The following KIAA0753 variants were observed in gnomAD, a reference collection of about 807,000 sequenced individuals.
The protein encoded by KIAA0753 is KIAA0753.
A neutral mutation model predicts 116.9 loss-of-function variants in KIAA0753; 114 were observed. The observed-to-expected ratio is 0.98, with a 90% CI of 0.84 to 1.14. The LOEUF (loss-of-function observed/expected upper bound fraction) is 1.14, where lower values mean the gene tolerates loss of function less well. Ranked by LOEUF, KIAA0753 falls within the 50% of genes most tolerant of loss-of-function variation. KIAA0753 has a pLI of 0.00. For synonymous variants in KIAA0753, 405 were observed against 413.1 expected (o/e 0.98, Z 0.24); for missense variants, 1,156 against 1,172.4 (o/e 0.99, Z 0.20).
chr17:6,587,348 C>A (rs1968654692), intron 18 of KIAA0753, among the ~76,000 whole-genome samples: 1 of 152,160 alleles, frequency 6.6e-6, no homozygotes, highest in East Asian at 1.9e-4. Flanking sequence ...TTGTAAAAAT[C>A]CAGGCATATT....
At chr17:6,626,991 A>C (rs9916604) in intron 3 of KIAA0753, among the ~76,000 whole-genome samples, 46,455 of 152,126 alleles carry the variant, frequency 0.31, 7,981 homozygotes, top group Admixed American at 0.39. Flanking sequence ...AAGAGAAACA[A>C]GCCACAACAT....
Position 6,618,135 on chromosome 17 carries a change from A to G in KIAA0753, c.1315+2653T>C, listed in dbSNP as rs112110498. Reference sequence around the variant, plus strand: ...GAAAAAAAGAAAAAAAAAATCCCACAACTACAGGGTTTGGGGAGCTCCCAG... The same window carrying G: ...GAAAAAAAGAAAAAAAAAATCCCACGACTACAGGGTTTGGGGAGCTCCCAG... On this transcript the variant is annotated intron_variant, in intron 7 of 18. Transcript: ENST00000361413. Among the ~76,000 whole-genome samples, 289 of 152,050 alleles carry G rather than the reference A, an allele frequency of 1.9e-3. 3 individuals carry two copies. The highest frequency in any genetic ancestry group is 6.2e-3 in the African/African-American group (257 of 41,492).
intron 18 of KIAA0753, among the ~76,000 whole-genome samples, chr17:6,585,083 T>C (rs973207161): frequency 6.6e-5 from 10 of 152,206 alleles, no homozygotes; most frequent in African/African-American, 1.9e-4. Context: ...TGAGCCACCA[T>C]ACCCGGGCCC....
At chr17:6,594,871 G>T in intron 16 of KIAA0753, 101 bp downstream of exon 16, 1 of 797,290 alleles carries the variant, frequency 1.3e-6, no homozygotes, top group South Asian at 1.5e-5. Context: ...GAATCTAGAA[G>T]GTGAGTATAG....
intron 16 of KIAA0753, among the ~76,000 whole-genome samples, chr17:6,593,434 G>A (rs1030599556): frequency 2.1e-4 from 31 of 146,222 alleles, no homozygotes; most frequent in African/African-American, 4.9e-4. Context: ...TCGGGAGGCC[G>A]GGCGCAATGG....
At position 6,620,794 on chromosome 17, in the gene KIAA0753, G is replaced by A. The variant is rs1353275633; in HGVS notation, c.1309C>T (p.Leu437Phe). 2 of 1,613,954 alleles carry A rather than the reference G, an allele frequency of 1.2e-6. No homozygotes were observed. Among genetic ancestry groups the A allele is most frequent in the South Asian group, 2.2e-5 (2 of 91,086 alleles). ...AACACTTTAAGACACATACCGGCAA[G>A]AAGCTGCTTTGCTACAGAAGGTCGA... Reference protein sequence around the residue: ...TSRPSVAKQLLADKYQPDTEL... With the variant: ...TSRPSVAKQLFADKYQPDTEL... The change falls in exon 7 of 19, where the codon CTT becomes TTT. Residue 437 changes from leucine to phenylalanine, a missense_variant. Transcript: ENST00000361413.
intron 2 of KIAA0753, among the ~76,000 whole-genome samples, chr17:6,630,677 C>A (rs1382788223): frequency 6.6e-6 from 1 of 152,108 alleles, no homozygotes. Flanking sequence ...CAATCTGAGT[C>A]CCCATGAAGG....
At chr17:6,611,867 TGACAATGTCA>T in intron 8 of KIAA0753, 42 bp downstream of exon 8, 6 of 1,501,864 alleles carry the variant, frequency 4.0e-6, no homozygotes, top group Non-Finnish European at 5.5e-6. Flanking sequence ...TATGTGACCT[TGACAATGTCA>T]GATTAACACA....
At chr17:6,591,047 GAAGAAGAAGAAGAAGAA>G (rs200050747) in intron 16 of KIAA0753, among the ~76,000 whole-genome samples, 2,475 of 99,300 alleles carry the variant, frequency 0.025, 130 homozygotes, top group African/African-American at 0.059. Flanking sequence ...GAAGGAAGAA[GAAGAAGAAGAAGAAGAA>G]GAAGAAGAAG....
Position 6,614,652 on chromosome 17 carries a change from G to A in KIAA0753, c.1316-2504C>T, listed in dbSNP as rs537221637. Among the ~76,000 whole-genome samples, 54 of 152,274 alleles carry A rather than the reference G, an allele frequency of 3.5e-4. 2 individuals carry two copies. Among genetic ancestry groups the A allele is most frequent in the African/African-American group, 1.3e-3 (52 of 41,562 alleles). On this transcript the variant is annotated intron_variant, in intron 7 of 18. Transcript: ENST00000361413. ...ATGACAATAGTAACTTCTAGTGAGG[G>A]AGAAAAGAGAATGGAATGAGGAGAA...
At chr17:6,616,192 G>C (rs1244216931) in intron 7 of KIAA0753, among the ~76,000 whole-genome samples, 3 of 152,204 alleles carry the variant, frequency 2.0e-5, no homozygotes, top group African/African-American at 7.2e-5. Flanking sequence ...GAGTGGCAGA[G>C]CCAAGTCTTC....
At chr17:6,613,024 G>C (rs1204578470) in intron 7 of KIAA0753, among the ~76,000 whole-genome samples, 1 of 152,082 alleles carries the variant, frequency 6.6e-6, no homozygotes, top group Non-Finnish European at 1.5e-5. Context: ...CTGTCTATTT[G>C]AAAATGAGAC....
At chr17:6,596,364 G>T in intron 14 of KIAA0753, 21 bp from the exon 15 acceptor site, 1 of 1,595,212 alleles carries the variant, frequency 6.3e-7, no homozygotes, top group South Asian at 1.1e-5. Flanking sequence ...GGGTGGGGTG[G>T]GGAGGAGAGG....
intron 16 of KIAA0753, among the ~76,000 whole-genome samples, chr17:6,591,238 G>A (rs532576536): frequency 1.3e-5 from 2 of 152,276 alleles, no homozygotes; most frequent in South Asian, 2.1e-4. Flanking sequence ...GCTCTTCTGA[G>A]TGTCAGATTA....
chr17:6,608,439 T>C lies in KIAA0753; in HGVS notation c.1738A>G (p.Ser580Gly). ...KCAAWLKVKTSPRDATKEPLQ... is the reference protein window; with the variant it reads ...KCAAWLKVKTGPRDATKEPLQ... ...GGCTCTTTTGTGGCATCTCTGGGGC[T>C]AGTTTTCACCTTTAGCCATGCAGCA... The change falls in exon 10 of 19, where the codon AGC becomes GGC. Residue 580 changes from serine to glycine, a missense_variant. By Grantham distance (56) the Ser-to-Gly change is moderately conservative. Coordinates refer to ENST00000361413, the MANE Select transcript of KIAA0753 (RefSeq NM_014804.3). 1 of 1,558,560 alleles carries C rather than the reference T, an allele frequency of 6.4e-7. No homozygotes were observed. The highest frequency in any genetic ancestry group is 8.7e-7 in the Non-Finnish European group (1 of 1,147,468).
chr17:6,637,722 G>C (rs1281536361), intron 1 of KIAA0753: 1 of 152,384 alleles, frequency 6.6e-6, no homozygotes, highest in African/African-American at 2.4e-5. Flanking sequence ...CCATCCTTGT[G>C]GGACCCTTGG....
chr17:6,608,850 A>G (rs1597524387), intron 9 of KIAA0753, among the ~76,000 whole-genome samples: 1 of 152,000 alleles, frequency 6.6e-6, no homozygotes, highest in Non-Finnish European at 1.5e-5. Context: ...AGCCTCACCC[A>G]CCCTCCTCTA....
chr17:6,607,022 G>T, intron 11 of KIAA0753, 60 bp from the exon 12 acceptor site: 1 of 1,534,464 alleles, frequency 6.5e-7, no homozygotes, highest in South Asian at 1.1e-5. Context: ...GGGCTCCCTT[G>T]AGCTCCAGTC....
rs563518160 is a variant in KIAA0753 at position 6,602,740 on chromosome 17, C to G, written c.2010-2282G>C. 9.9e-5 allele frequency among the ~76,000 whole-genome samples: 15 copies of G among 152,272 alleles called. No homozygotes were observed. The East Asian group carries it at 2.9e-3, about 29-fold the overall frequency. On this transcript the variant is annotated intron_variant, in intron 12 of 18. Coordinates refer to ENST00000361413, the MANE Select transcript of KIAA0753 (RefSeq NM_014804.3). ...TTTGTCAAAATTCATTGAACTGTACCTTTAAGTTCTTTGCATTTTACTATA... is the reference window on the plus strand; with the variant it reads ...TTTGTCAAAATTCATTGAACTGTACGTTTAAGTTCTTTGCATTTTACTATA...
Sources: gnomAD v4.1 joint callset for allele counts (sites outside exome capture counted in the v4.1 genomes callset) on GRCh38, gnomAD v4.1.1 for gene constraint, MANE v1.5 for transcripts, NCBI Gene and HGNC (gene_info 2026-07-23, HGNC 2026-07-21) for gene names.